Variants in DOCK5 observed in about 807,000 individuals in gnomAD.
DOCK5 encodes dedicator of cytokinesis 5.
In DOCK5, 142 loss-of-function variants were observed where a neutral mutation model predicts 251.8. The observed-to-expected ratio is 0.56, with a 90% CI of 0.49 to 0.65. DOCK5 has a LOEUF of 0.65. Ranked by LOEUF, DOCK5 falls within the 30% of genes least tolerant of loss-of-function variation. The pLI is 0.00. For missense variants in DOCK5, 2,111 were observed against 2,312.3 expected (o/e 0.91, Z 1.79); for synonymous variants, 842 against 835.5 (o/e 1.01, Z -0.13).
At chr8:25,195,084 C>A (rs1801688408) in intron 1 of DOCK5, among the ~76,000 whole-genome samples, 1 of 151,778 alleles carries the variant, frequency 6.6e-6, no homozygotes, top group Non-Finnish European at 1.5e-5. Flanking sequence ...CCACACCTGG[C>A]TAATTTTTGT....
intron 7 of DOCK5, among the ~76,000 whole-genome samples, chr8:25,297,409 C>T (rs1395155282): frequency 6.6e-6 from 1 of 152,144 alleles, no homozygotes; most frequent in East Asian, 1.9e-4. Flanking sequence ...AGGCGCCCAC[C>T]ACCACGCCTG....
intron 1 of DOCK5, among the ~76,000 whole-genome samples, chr8:25,193,351 G>A (rs536113616): frequency 6.7e-5 from 10 of 149,902 alleles, no homozygotes; most frequent in Admixed American, 5.3e-4. Flanking sequence ...CTTATCTAAC[G>A]TGTATTTTTT....
Position 25,325,443 on chromosome 8 carries a change from T to C in DOCK5, c.1799T>C (p.Leu600Pro). 6.2e-7 allele frequency: 1 copy of C among 1,613,926 alleles called. No individual in the cohort carries two copies. The highest frequency in any genetic ancestry group is 8.5e-7 in the Non-Finnish European group (1 of 1,179,868). Residue 600 changes from leucine to proline, a missense_variant, in exon 18 of 52, where the codon CTT becomes CCT. By Grantham distance (98) the Leu-to-Pro change is moderately conservative. Around this residue, in one of 3 missense-constraint regions of DOCK5, gnomAD observed 1,717 missense variants for 1,892.4 expected, o/e 0.91. Coordinates refer to ENST00000276440, the MANE Select transcript of DOCK5 (RefSeq NM_024940.8). ...AAGATGGAGATGGAAGAAAAAGAGC[T>C]TCAAGCATCCAAAAACCTGGTCACC... ...GTKMEMEEKE[L>P]QASKNLVTFT...
chr8:25,395,764 G>T, intron 45 of DOCK5, 45 bp downstream of exon 45: 1 of 1,586,474 alleles, frequency 6.3e-7, no homozygotes, highest in Non-Finnish European at 8.6e-7. Context: ...AGACCTGGGT[G>T]TCTGTGTGCC....
chr8:25,295,393 TAA>T (rs1804593563), intron 6 of DOCK5, among the ~76,000 whole-genome samples: 1 of 149,770 alleles, frequency 6.7e-6, no homozygotes, highest in Non-Finnish European at 1.5e-5. Flanking sequence ...CTAAAAAAAA[TAA>T]AAATAAATAA....
At chr8:25,263,891 T>C (rs1290563542) in intron 2 of DOCK5, among the ~76,000 whole-genome samples, 1 of 151,926 alleles carries the variant, frequency 6.6e-6, no homozygotes, top group African/African-American at 2.4e-5. Flanking sequence ...AGGATCCATC[T>C]CCTGATTCTG....
chr8:25,279,829 T>G (rs1307424651), intron 5 of DOCK5, among the ~76,000 whole-genome samples: 1 of 152,032 alleles, frequency 6.6e-6, no homozygotes, highest in East Asian at 1.9e-4. Context: ...TTCACCATGT[T>G]GGCCAGGCTG....
At chr8:25,351,401 G>A (rs1043055319) in intron 26 of DOCK5, 24 of 282,302 alleles carry the variant, frequency 8.5e-5, no homozygotes, top group South Asian at 2.8e-4. Context: ...AACAGAATAC[G>A]TCATGCTAAT....
chr8:25,217,261 CTATATATGCA>C (rs945787039), intron 1 of DOCK5, among the ~76,000 whole-genome samples: 6 of 150,496 alleles, frequency 4.0e-5, no homozygotes, highest in East Asian at 2.0e-4. Context: ...TATATGTATA[CTATATATGCA>C]TATATATGCA....
intron 1 of DOCK5, among the ~76,000 whole-genome samples, chr8:25,185,859 AGT>A (rs1801416733): frequency 6.6e-6 from 1 of 152,174 alleles, no homozygotes; most frequent in Non-Finnish European, 1.5e-5. Flanking sequence ...CAAGGATTGA[AGT>A]TATTGAGGGC....
chr8:25,219,490 G>A (rs1295446927), intron 1 of DOCK5, among the ~76,000 whole-genome samples: 1 of 151,864 alleles, frequency 6.6e-6, no homozygotes, highest in African/African-American at 2.4e-5. Context: ...GTTGGATTTT[G>A]TCTTTCCCCT....
intron 27 of DOCK5, among the ~76,000 whole-genome samples, chr8:25,354,072 G>T: frequency 7.9e-6 from 1 of 127,050 alleles, no homozygotes; most frequent in Admixed American, 8.1e-5. Flanking sequence ...AAACGTAGGA[G>T]AGAAAACTAG....
intron 5 of DOCK5, among the ~76,000 whole-genome samples, chr8:25,283,965 G>A (rs1212127780): frequency 2.0e-5 from 3 of 152,146 alleles, no homozygotes; most frequent in African/African-American, 2.4e-5. Context: ...TCCTGGTGAC[G>A]TACCAAGACC....
At chr8:25,239,760 C>T (rs2117538333) in intron 1 of DOCK5, among the ~76,000 whole-genome samples, 1 of 152,310 alleles carries the variant, frequency 6.6e-6, no homozygotes, top group Non-Finnish European at 1.5e-5. Context: ...CGTGCGATTT[C>T]TCCTAACCTA....
chr8:25,315,561 A>G (rs1377839523), intron 13 of DOCK5, among the ~76,000 whole-genome samples: 2 of 152,232 alleles, frequency 1.3e-5, no homozygotes, highest in Non-Finnish European at 2.9e-5. Flanking sequence ...CCATTACGTG[A>G]TTATACCATA....
At chr8:25,395,874 C>G (rs772992188) in intron 45 of DOCK5, 155 bp downstream of exon 45, 2 of 959,008 alleles carry the variant, frequency 2.1e-6, no homozygotes, top group Non-Finnish European at 3.2e-6. Flanking sequence ...AAACGATTGT[C>G]CCTGACTTCT....
chr8:25,252,008 AG>A (rs1379695298), intron 2 of DOCK5, among the ~76,000 whole-genome samples: 125 of 143,618 alleles, frequency 8.7e-4, no homozygotes, highest in African/African-American at 3.0e-3. Flanking sequence ...AAAAAAAAAA[AG>A]AGTGCTTTTA....
intron 5 of DOCK5, among the ~76,000 whole-genome samples, chr8:25,284,035 G>C (rs1157981651): frequency 1.3e-5 from 2 of 152,052 alleles, no homozygotes; most frequent in African/African-American, 4.8e-5. Flanking sequence ...CCCTTACTGG[G>C]TATGTACTAT....
chr8:25,324,102 C>T (rs1407358128), intron 17 of DOCK5, among the ~76,000 whole-genome samples, 151 bp downstream of exon 17: 1 of 152,178 alleles, frequency 6.6e-6, no homozygotes, highest in Non-Finnish European at 1.5e-5. Flanking sequence ...GGCTCTGGGC[C>T]CTCCAGCTTT....
Sources: allele counts gnomAD v4.1 joint callset (sites outside exome capture counted in the v4.1 genomes callset), GRCh38; gene constraint gnomAD v4.1.1; regional missense constraint gnomAD v4.1.1; transcripts MANE v1.5; gene names NCBI Gene and HGNC (gene_info 2026-07-23, HGNC 2026-07-21).